The following PRICKLE2 variants were observed in gnomAD, a reference collection of about 807,000 sequenced individuals.
PRICKLE2 encodes prickle-like protein 2.
Under a neutral mutation model 81.4 loss-of-function variants are expected in PRICKLE2, and 21 were observed. That is an observed-to-expected ratio of 0.26 (90% CI 0.18 to 0.37). The LOEUF (loss-of-function observed/expected upper bound fraction) is 0.37, where lower values mean the gene tolerates loss of function less well. PRICKLE2 is among the 10% of genes least tolerant of loss of function. The probability of loss-of-function intolerance (pLI) is 1.00; values close to 1 mark genes in which losing one functional copy is unlikely to be tolerated. For synonymous variants in PRICKLE2, 456 were observed against 421.5 expected (o/e 1.08, Z -1.00); for missense variants, 940 against 1,109.0 (o/e 0.85, Z 2.16).
upstream of PRICKLE2, among the ~76,000 whole-genome samples, chr3:64,226,862 T>C (rs773631175): frequency 6.6e-6 from 1 of 152,068 alleles, no homozygotes; most frequent in Non-Finnish European, 1.5e-5. Context: ...TGAGTGAAAG[T>C]AAAGGGTGAG....
At chr3:64,138,384 T>G (rs961262201) in intron 7 of PRICKLE2, among the ~76,000 whole-genome samples, 2 of 152,242 alleles carry the variant, frequency 1.3e-5, no homozygotes, top group African/African-American at 2.4e-5. Flanking sequence ...GACTCAATTC[T>G]GGTACTTTTG....
At chr3:64,200,445 G>A (rs1419372158) in intron 1 of PRICKLE2, 1 of 151,980 alleles carries the variant, frequency 6.6e-6, no homozygotes, top group African/African-American at 2.4e-5. Flanking sequence ...TTTTTTGTGT[G>A]GATATTTGTT....
chr3:64,133,125 C>T (rs567268445), intron 7 of PRICKLE2, among the ~76,000 whole-genome samples: 7 of 152,264 alleles, frequency 4.6e-5, no homozygotes, highest in African/African-American at 1.7e-4. Context: ...GTGTGTCATC[C>T]AGATTCCCCT....
intron 1 of PRICKLE2, among the ~76,000 whole-genome samples, chr3:64,209,502 C>T (rs1419017016): frequency 1.3e-5 from 2 of 152,086 alleles, no homozygotes; most frequent in African/African-American, 4.8e-5. Flanking sequence ...ATCCATCTAT[C>T]CATCCATTCA....
In PRICKLE2 at chr3:64,115,266, G is replaced by C. The variant is rs148268999; in HGVS notation, c.1661-15341C>G. 1.5e-4 allele frequency among the ~76,000 whole-genome samples: 23 copies of C among 152,284 alleles called. No individual in the cohort carries two copies. The East Asian group carries it at 4.2e-3, about 28-fold the overall frequency. On this transcript the variant is annotated intron_variant, in intron 7 of 7. Coordinates refer to ENST00000638394, the MANE Select transcript of PRICKLE2 (RefSeq NM_198859.4). Reference sequence around the variant, plus strand: ...AAAACACACTGAAGTACCCAGACCAGTGTCACTGTAAAGAAACTACATAAA... The same window carrying C: ...AAAACACACTGAAGTACCCAGACCACTGTCACTGTAAAGAAACTACATAAA...
intron 7 of PRICKLE2, among the ~76,000 whole-genome samples, chr3:64,107,264 A>G (rs966955860): frequency 2.6e-5 from 4 of 152,122 alleles, no homozygotes; most frequent in Admixed American, 2.6e-4. Flanking sequence ...CTGTCTGAGA[A>G]ATGTTTCCCT....
intron 7 of PRICKLE2, 53 bp downstream of exon 7, chr3:64,146,777 G>A: frequency 6.3e-7 from 1 of 1,599,274 alleles, no homozygotes; most frequent in Non-Finnish European, 8.5e-7. Context: ...CCAGCATCCA[G>A]TCACCCAGAG....
intron 7 of PRICKLE2, among the ~76,000 whole-genome samples, chr3:64,142,313 C>CTTTCT (rs558592913): frequency 3.8e-5 from 5 of 132,770 alleles, no homozygotes; most frequent in Non-Finnish European, 7.9e-5. Context: ...TTCTTTCTTT[C>CTTTCT]TTTTTTTTTT....
chr3:64,095,341 T>A lies in PRICKLE2; in HGVS notation c.*3710A>T, dbSNP rs192421869. 8 of 152,260 alleles carry A rather than the reference T, an allele frequency of 5.3e-5. No individual in the cohort carries two copies. Among genetic ancestry groups the A allele is most frequent in the Admixed American group, 3.9e-4 (6 of 15,296 alleles). 9.4% of individuals were successfully genotyped at this position (152,260 alleles called of 1,614,324 possible). The stretch of plus-strand genomic sequence containing the variant: ...TTCGTAATTATGCTTCCTAAACTGT[T>A]TTTGTTCTACGGCAAGAGAACCAAG... On this transcript the variant is annotated 3_prime_UTR_variant, in exon 8 of 8. Coordinates refer to ENST00000638394, the MANE Select transcript of PRICKLE2 (RefSeq NM_198859.4).
chr3:64,152,879 T>A (rs1244843240), intron 6 of PRICKLE2, among the ~76,000 whole-genome samples: 2 of 152,162 alleles, frequency 1.3e-5, no homozygotes, highest in African/African-American at 4.8e-5. Context: ...AAGACTAGTA[T>A]CACTAGTGAG....
chr3:64,254,739 CAT>C (rs1268361597), intron 2 of PRICKLE2, among the ~76,000 whole-genome samples: 1 of 152,188 alleles, frequency 6.6e-6, no homozygotes, highest in African/African-American at 2.4e-5. Context: ...TGTAAACCCA[CAT>C]GTTTTGTTGA....
At chr3:64,161,709 A>C (rs2107043145) in intron 3 of PRICKLE2, among the ~76,000 whole-genome samples, 1 of 126,292 alleles carries the variant, frequency 7.9e-6, no homozygotes, top group Admixed American at 7.7e-5. Flanking sequence ...GTCAAATAAA[A>C]AGAGTTAAAA....
intron 6 of PRICKLE2, among the ~76,000 whole-genome samples, chr3:64,151,854 A>C (rs2077552780): frequency 6.6e-6 from 1 of 152,178 alleles, no homozygotes; most frequent in African/African-American, 2.4e-5. Context: ...ACTGAGTTGA[A>C]GCAACAGGCT....
At chr3:64,266,025 TG>T (rs1169119371) in intron 2 of PRICKLE2, among the ~76,000 whole-genome samples, 5 of 152,264 alleles carry the variant, frequency 3.3e-5, no homozygotes, top group Middle Eastern at 6.8e-3. Flanking sequence ...TGCAGAGGCT[TG>T]AAAGCCTGTG....
At chr3:64,120,561 G>A in intron 7 of PRICKLE2, among the ~76,000 whole-genome samples, 1 of 152,030 alleles carries the variant, frequency 6.6e-6, no homozygotes, top group Non-Finnish European at 1.5e-5. Context: ...AGTCGCCCAG[G>A]GATCTTCTTA....
At chr3:64,121,726 C>G (rs377329790) in intron 7 of PRICKLE2, among the ~76,000 whole-genome samples, 5 of 152,180 alleles carry the variant, frequency 3.3e-5, no homozygotes, top group Admixed American at 6.5e-5. Context: ...CCCCTAGTCC[C>G]ATGCTGGGCA....
chr3:64,133,373 G>A (rs1299644980), intron 7 of PRICKLE2, among the ~76,000 whole-genome samples: 1 of 152,120 alleles, frequency 6.6e-6, no homozygotes, highest in Non-Finnish European at 1.5e-5. Context: ...AGGAGCCAGA[G>A]CTGGAAACAG....
chr3:64,160,908 G>A (rs2077722114), intron 3 of PRICKLE2, among the ~76,000 whole-genome samples: 1 of 152,002 alleles, frequency 6.6e-6, no homozygotes, highest in Non-Finnish European at 1.5e-5. Context: ...TCAAAAGAAA[G>A]TATAACTATA....
intron 2 of PRICKLE2, among the ~76,000 whole-genome samples, chr3:64,196,067 T>C (rs1408698406): frequency 2.0e-5 from 3 of 152,242 alleles, no homozygotes; most frequent in Non-Finnish European, 2.9e-5. Context: ...CCCAAAGACA[T>C]TCATTTTGGA....
Sources: allele counts gnomAD v4.1 joint callset (sites outside exome capture counted in the v4.1 genomes callset), GRCh38; gene constraint gnomAD v4.1.1; transcripts MANE v1.5; gene names NCBI Gene and HGNC (gene_info 2026-07-23, HGNC 2026-07-21).